The following GABRG3 variants were observed in gnomAD, a reference collection of about 807,000 sequenced individuals.
The protein encoded by GABRG3 is gamma-aminobutyric acid receptor subunit gamma-3.
A neutral mutation model predicts 48.8 loss-of-function variants in GABRG3; 25 were observed. The ratio of observed to expected loss-of-function variants is 0.51; its 90% CI spans 0.37 to 0.72. The LOEUF (loss-of-function observed/expected upper bound fraction) is 0.72, where lower values mean the gene tolerates loss of function less well. Ranked by LOEUF, GABRG3 falls within the 30% of genes least tolerant of loss-of-function variation. The pLI, the probability that GABRG3 is intolerant of heterozygous loss-of-function variation, is 0.00. For missense variants in GABRG3, 394 were observed against 577.9 expected (o/e 0.68, Z 3.26); for synonymous variants, 227 against 217.6 (o/e 1.04, Z -0.38).
intron 3 of GABRG3, among the ~76,000 whole-genome samples, chr15:27,296,744 G>A (rs866716993): frequency 3.3e-5 from 5 of 151,948 alleles, no homozygotes; most frequent in Non-Finnish European, 7.4e-5. Flanking sequence ...GGGCAATTAT[G>A]CACAGTACCT....
chr15:27,247,304 C>T lies in GABRG3; in HGVS notation c.271-79505C>T, dbSNP rs576708810. ...TGTGAGTCCTTGCCCCTCTAACCCT[C>T]GGGCTTAGTGCTCCTGCCACTCTCT... On this transcript the variant is annotated intron_variant, in intron 3 of 9. Transcript: ENST00000615808. 4.6e-5 allele frequency among the ~76,000 whole-genome samples: 7 copies of T among 152,180 alleles called. No homozygotes were observed. In the South Asian group the frequency reaches 6.2e-4, roughly 14 times the overall value.
intron 5 of GABRG3, among the ~76,000 whole-genome samples, chr15:27,396,111 G>C (rs1157204950): frequency 1.3e-5 from 2 of 152,184 alleles, no homozygotes; most frequent in African/African-American, 4.8e-5. Context: ...CAAACTGCCT[G>C]CCTCGGCCTC....
chr15:27,187,085 G>A (rs911683852), intron 3 of GABRG3, among the ~76,000 whole-genome samples: 4 of 152,062 alleles, frequency 2.6e-5, no homozygotes, highest in Non-Finnish European at 5.9e-5. Flanking sequence ...TCCATCTTGA[G>A]TTGATTTTTA....
At chr15:27,268,831 A>G (rs1890997117) in intron 3 of GABRG3, among the ~76,000 whole-genome samples, 1 of 152,102 alleles carries the variant, frequency 6.6e-6, no homozygotes, top group South Asian at 2.1e-4. Context: ...CTTCACCTCA[A>G]GGAGTCCTCT....
At chr15:27,011,610 G>A (rs1031324995) in intron 2 of GABRG3, among the ~76,000 whole-genome samples, 1 of 152,126 alleles carries the variant, frequency 6.6e-6, no homozygotes, top group Non-Finnish European at 1.5e-5. Flanking sequence ...CACTTTGGGA[G>A]GCTGAGGCAG....
chr15:27,020,021 A>G (rs543753386), intron 2 of GABRG3, among the ~76,000 whole-genome samples: 1 of 152,244 alleles, frequency 6.6e-6, no homozygotes, highest in South Asian at 2.1e-4. Flanking sequence ...ATAGCTAAAA[A>G]TTTACTGAGC....
chr15:27,232,372 C>T (rs1362750426), intron 3 of GABRG3, among the ~76,000 whole-genome samples: 2 of 152,208 alleles, frequency 1.3e-5, no homozygotes, highest in African/African-American at 4.8e-5. Flanking sequence ...CTGGTTTGAA[C>T]TGCAGTCAAG....
intron 3 of GABRG3, among the ~76,000 whole-genome samples, chr15:27,224,175 G>T (rs1464753278): frequency 6.6e-6 from 1 of 152,202 alleles, no homozygotes; most frequent in Non-Finnish European, 1.5e-5. Flanking sequence ...TGAGGCCAGG[G>T]GTTTGGGGGT....
intron 3 of GABRG3, among the ~76,000 whole-genome samples, chr15:27,209,363 CTTCCTTCTTTCTTTTCTTTTCT>C (rs2140433698): frequency 6.6e-6 from 1 of 151,778 alleles, no homozygotes; most frequent in Non-Finnish European, 1.5e-5. Context: ...TCCTTCCTTC[CTTCCTTCTTTCTTTTCTTTTCT>C]TTCTTTCTTT....
intron 2 of GABRG3, among the ~76,000 whole-genome samples, chr15:27,023,638 A>G (rs763165156): frequency 1.3e-5 from 2 of 152,230 alleles, no homozygotes; most frequent in Non-Finnish European, 2.9e-5. Context: ...ACGTATCACG[A>G]TATCCTTCCT....
chr15:27,222,146 C>T (rs1889474214), intron 3 of GABRG3, among the ~76,000 whole-genome samples: 1 of 152,218 alleles, frequency 6.6e-6, no homozygotes, highest in African/African-American at 2.4e-5. Flanking sequence ...CCCCAAATGG[C>T]TCTCTGCTTT....
At chr15:27,367,425 C>G (rs1895246633) in intron 5 of GABRG3, among the ~76,000 whole-genome samples, 1 of 152,172 alleles carries the variant, frequency 6.6e-6, no homozygotes, top group Admixed American at 6.5e-5. Context: ...CTGCATTATT[C>G]AAAACAATTG....
At chr15:27,486,292 C>G (rs1378726400) in intron 6 of GABRG3, among the ~76,000 whole-genome samples, 1 of 152,020 alleles carries the variant, frequency 6.6e-6, no homozygotes, top group African/African-American at 2.4e-5. Context: ...ATTATAAGAC[C>G]ACAAATAGGC....
At chr15:27,226,714 G>T (rs1019743758) in intron 3 of GABRG3, among the ~76,000 whole-genome samples, 1 of 152,168 alleles carries the variant, frequency 6.6e-6, no homozygotes, top group East Asian at 1.9e-4. Context: ...TGGAGTGACG[G>T]GCACATAACT....
At chr15:27,320,417 C>T (rs1893383110) in intron 3 of GABRG3, among the ~76,000 whole-genome samples, 1 of 152,048 alleles carries the variant, frequency 6.6e-6, no homozygotes, top group Admixed American at 6.6e-5. Flanking sequence ...GTGTGGGTGG[C>T]ATGAAGGAGA....
chr15:27,107,649 G>A (rs1897474439), intron 3 of GABRG3, among the ~76,000 whole-genome samples: 1 of 151,938 alleles, frequency 6.6e-6, no homozygotes, highest in African/African-American at 2.4e-5. Flanking sequence ...GATAGAATTT[G>A]CCAGTGAAAT....
intron 2 of GABRG3, among the ~76,000 whole-genome samples, chr15:27,021,333 A>G (rs1895890551): frequency 1.3e-5 from 2 of 152,198 alleles, no homozygotes; most frequent in South Asian, 2.1e-4. Context: ...GGTCACCTAC[A>G]GTGCCAGATG....
Position 27,535,741 on chromosome 15 carries a change from A to T in GABRG3, c.*2860A>T, listed in dbSNP as rs1202692088. ...CCTGAGATGAGCCTTTTCAGTCCAC[A>T]ATGAGGAAGAGATGGGTGTGCCTTG... On this transcript the variant is annotated 3_prime_UTR_variant, in exon 10 of 10. Transcript: ENST00000615808. The T allele has an allele frequency of 6.6e-6, 1 of 152,238 alleles. No individual in the cohort carries two copies. Among genetic ancestry groups the T allele is most frequent in the East Asian group, 1.9e-4 (1 of 5,188 alleles). 9.4% of individuals were successfully genotyped at this position (152,238 alleles called of 1,614,324 possible). A position where few individuals can be genotyped will look rare whatever the true frequency, so the allele number is the denominator to read the frequency against.
intron 3 of GABRG3, among the ~76,000 whole-genome samples, chr15:27,027,428 TC>T (rs970433002): frequency 3.9e-5 from 6 of 152,078 alleles, no homozygotes; most frequent in East Asian, 1.9e-4. Flanking sequence ...TGTCAGGAGC[TC>T]CCCCCGCCTG....
Sources: allele counts gnomAD v4.1 joint callset (sites outside exome capture counted in the v4.1 genomes callset), GRCh38; gene constraint gnomAD v4.1.1; transcripts MANE v1.5; gene names NCBI Gene and HGNC (gene_info 2026-07-23, HGNC 2026-07-21).